Variants in LRRC27 observed in about 807,000 individuals in gnomAD.
LRRC27 encodes the protein leucine-rich repeat-containing protein 27.
In LRRC27, 57 loss-of-function variants were observed where a neutral mutation model predicts 55.0. The observed-to-expected ratio is 1.04, with a 90% CI of 0.84 to 1.29. The LOEUF (loss-of-function observed/expected upper bound fraction) is 1.29. Among genes scored for constraint, LRRC27 ranks in the 50% most tolerant of loss-of-function variants. LRRC27 has a pLI of 0.00. For synonymous variants in LRRC27, 278 were observed against 251.9 expected (o/e 1.10, Z -0.98); for missense variants, 721 against 651.5 (o/e 1.11, Z -1.16).
intron 6 of LRRC27, chr10:132,350,401 T>A (rs2067948037): frequency 6.6e-6 from 1 of 152,298 alleles, no homozygotes; most frequent in South Asian, 2.1e-4. Flanking sequence ...TGGTGTTCCA[T>A]AGAGCCTGGG....
chr10:132,368,476 G>A (rs373798542), intron 10 of LRRC27, among the ~76,000 whole-genome samples: 14 of 152,220 alleles, frequency 9.2e-5, no homozygotes, highest in African/African-American at 3.4e-4. Flanking sequence ...TAGACAAATA[G>A]AATAGAGAGC....
At chr10:132,343,674 G>C (rs1254274271) in intron 4 of LRRC27, among the ~76,000 whole-genome samples, 1 of 152,256 alleles carries the variant, frequency 6.6e-6, no homozygotes, top group Admixed American at 6.5e-5. Flanking sequence ...GGCATTTGCA[G>C]TTTGTAGAGC....
intron 9 of LRRC27, among the ~76,000 whole-genome samples, chr10:132,364,513 A>ACC (rs2068886370): frequency 8.8e-4 from 1 of 1,130 alleles, no homozygotes. Flanking sequence ...ATCTACCTCC[A>ACC]CACTCGCACT....
At chr10:132,361,277 G>A (rs76200325) in intron 8 of LRRC27, among the ~76,000 whole-genome samples, 180 bp from the exon 9 acceptor site, 16,280 of 152,328 alleles carry the variant, frequency 0.11, 1,234 homozygotes, top group African/African-American at 0.21. Context: ...TCCCAGTAGG[G>A]CGCGAGAGCT....
At chr10:132,331,503 A>G (rs373963659), upstream of LRRC27, 4 of 1,612,748 alleles carry the variant, frequency 2.5e-6, no homozygotes, top group African/African-American at 5.3e-5. Context: ...GGACGCTCTG[A>G]GTCTGCGTTC....
At chr10:132,338,935 C>T (rs141194856) in intron 3 of LRRC27, among the ~76,000 whole-genome samples, 1,794 of 152,272 alleles carry the variant, frequency 0.012, 33 homozygotes, top group African/African-American at 0.041. Context: ...GTCTCAAAGT[C>T]CTGACCTCAA....
Position 132,358,473 on chromosome 10 carries a change from GAGC to G in LRRC27, c.1170+2591_1170+2593del, listed in dbSNP as rs768506915. ...AGCGTGGGGAGGAGCCGAGGTGATG[GAGC>G]AGCGTGGGGAGGAGCCGAGGTGGTG... On this transcript the variant is annotated intron_variant, in intron 8 of 10. Coordinates refer to ENST00000368614, the MANE Select transcript of LRRC27 (RefSeq NM_030626.3). 3.0e-3 allele frequency among the ~76,000 whole-genome samples: 78 copies of G among 26,052 alleles called. 28 individuals are homozygous for G. The highest frequency in any genetic ancestry group is 6.1e-3 in the African/African-American group (16 of 2,608). The allele number at this position is 26,052 out of a possible 152,430, so 17.1% of individuals were successfully genotyped here. A position where few individuals can be genotyped will look rare whatever the true frequency, so the allele number is the denominator to read the frequency against.
intron 9 of LRRC27, 36 bp downstream of exon 9, chr10:132,361,611 G>A (rs767897555): frequency 6.9e-7 from 1 of 1,458,334 alleles, no homozygotes; most frequent in Admixed American, 1.7e-5. Context: ...TCCTTCCAGG[G>A]CTCAGCCAGC....
Position 132,375,074 on chromosome 10 carries a change from G to A in LRRC27, c.1425G>A (p.Glu475=). 1 of 1,612,660 alleles carries A rather than the reference G, an allele frequency of 6.2e-7. No homozygotes were observed. The highest frequency in any genetic ancestry group is 8.5e-7 in the Non-Finnish European group (1 of 1,179,274). ...KAAEDLEIAT[E]LQDEVLKLKL... ...TCCTTGTCTCCCATAAGGCCACAGAGCTACAGGATGAAGTATTGAAGCTAA... is the reference window on the plus strand; with the variant it reads ...TCCTTGTCTCCCATAAGGCCACAGAACTACAGGATGAAGTATTGAAGCTAA... Residue 475 remains glutamate, a synonymous_variant, in exon 11 of 11, where the codon GAG becomes GAA. Transcript: ENST00000368614.
In LRRC27 at chr10:132,378,388, C is replaced by G. The variant is rs1294128253; in HGVS notation, c.*3146C>G. On this transcript the variant is annotated 3_prime_UTR_variant, in exon 11 of 11. Coordinates refer to ENST00000368614, the MANE Select transcript of LRRC27 (RefSeq NM_030626.3). ...CATCTTTCATCAGTTTTGGAAAATT[C>G]TTAGCCATTTTTTTTTTTTTTACTA... The G allele has an allele frequency of 6.6e-6, 1 of 150,630 alleles. No individual in the cohort carries two copies. The highest frequency in any genetic ancestry group is 1.5e-5 in the Non-Finnish European group (1 of 67,654). 9.3% of individuals were successfully genotyped at this position (150,630 alleles called of 1,614,324 possible).
intron 2 of LRRC27, chr10:132,335,190 G>A (rs989278401): frequency 2.0e-5 from 3 of 152,278 alleles, no homozygotes; most frequent in Non-Finnish European, 4.4e-5. Context: ...AAGATTGGGT[G>A]TCTGATGGGC....
intron 8 of LRRC27, among the ~76,000 whole-genome samples, chr10:132,360,087 G>GA (rs940892805): frequency 6.6e-6 from 1 of 152,002 alleles, no homozygotes; most frequent in Admixed American, 6.6e-5. Context: ...GATTTTAAAA[G>GA]AAAAAAACAC....
At position 132,348,318 on chromosome 10, in the gene LRRC27, C is replaced by T. The variant is rs765409292; in HGVS notation, c.888C>T (p.Asn296=). ...ELPPNLKAAL[N]IEKELPKPRH... Reference sequence around the variant, plus strand: ...CTCCAAATCTCAAGGCGGCCTTGAACATTGAGAAAGAACTACCAAAGCCAA... The same window carrying T: ...CTCCAAATCTCAAGGCGGCCTTGAATATTGAGAAAGAACTACCAAAGCCAA... Residue 296 remains asparagine, a synonymous_variant, in exon 6 of 11, where the codon AAC becomes AAT. Coordinates refer to ENST00000368614, the MANE Select transcript of LRRC27 (RefSeq NM_030626.3). The surrounding 1 kb of genome is among the most constrained non-coding windows in gnomAD (Gnocchi z 4.2). The T allele has an allele frequency of 3.1e-6, 5 of 1,613,760 alleles. No homozygotes were observed. The highest frequency in any genetic ancestry group is 3.4e-6 in the Non-Finnish European group (4 of 1,179,818).
chr10:132,361,045 G>A (rs886169286), intron 8 of LRRC27, among the ~76,000 whole-genome samples: 1 of 152,230 alleles, frequency 6.6e-6, no homozygotes, highest in East Asian at 1.9e-4. Context: ...AGGTCTCCCT[G>A]GTTCTGGCAC....
At chr10:132,331,970 CCCCCTCCCGG>C, upstream of LRRC27, 1 of 495,248 alleles carries the variant, frequency 2.0e-6, no homozygotes, top group Non-Finnish European at 3.4e-6. Flanking sequence ...CCACACCCCG[CCCCCTCCCGG>C]GCAGGCGCAC....
At chr10:132,368,950 C>G (rs999782420) in intron 10 of LRRC27, among the ~76,000 whole-genome samples, 1 of 151,916 alleles carries the variant, frequency 6.6e-6, no homozygotes, top group Non-Finnish European at 1.5e-5. Flanking sequence ...AAAAACTCAA[C>G]AAAAAGGAGC....
upstream of LRRC27, among the ~76,000 whole-genome samples, chr10:132,331,007 C>T (rs937105032): frequency 2.7e-5 from 4 of 150,812 alleles, no homozygotes; most frequent in African/African-American, 9.7e-5. Flanking sequence ...TCGAGACCAG[C>T]CTGGCCAACA....
In LRRC27 at chr10:132,352,344, G is replaced by T. The variant is rs577069739; in HGVS notation, c.1073+591G>T. 3.2e-4 allele frequency among the ~76,000 whole-genome samples: 28 copies of T among 88,836 alleles called. 2 individuals carry two copies. The highest frequency in any genetic ancestry group is 5.6e-4 in the Non-Finnish European group (26 of 46,096). The allele number at this position is 88,836 out of a possible 152,430, so 58.3% of individuals were successfully genotyped here. On this transcript the variant is annotated intron_variant, in intron 7 of 10. Coordinates refer to ENST00000368614, the MANE Select transcript of LRRC27 (RefSeq NM_030626.3). ...GTGTGGGGCAGGCGCTGAGGCCTCC[G>T]TGTGGGGCAGGTGCAGCGCTCGTGG...
At chr10:132,354,696 A>T (rs2068225941) in intron 7 of LRRC27, among the ~76,000 whole-genome samples, 1 of 152,246 alleles carries the variant, frequency 6.6e-6, no homozygotes, top group Non-Finnish European at 1.5e-5. Flanking sequence ...GGTAGAGCCC[A>T]GGAGGGCTGA....
Sources: allele counts gnomAD v4.1 joint callset (sites outside exome capture counted in the v4.1 genomes callset), GRCh38; gene constraint gnomAD v4.1.1; non-coding constraint Gnocchi (gnomAD v3.1); transcripts MANE v1.5; gene names NCBI Gene and HGNC (gene_info 2026-07-23, HGNC 2026-07-21).